Variants in BICD1 observed in about 807,000 individuals in gnomAD.
BICD1 encodes the protein BICD cargo adaptor 1.
A neutral mutation model predicts 92.5 loss-of-function variants in BICD1; 35 were observed. The ratio of observed to expected loss-of-function variants is 0.38; its 90% CI spans 0.29 to 0.50. The LOEUF (loss-of-function observed/expected upper bound fraction) is 0.50, where lower values mean the gene tolerates loss of function less well. Among genes scored for constraint, BICD1 ranks in the 20% least tolerant of loss-of-function variants. The pLI is 0.93. For missense variants in BICD1, 950 were observed against 1,189.8 expected (o/e 0.80, Z 2.97); for synonymous variants, 429 against 465.1 (o/e 0.92, Z 1.00).
rs1940111710 is a variant in BICD1, at chr12:32,379,529, C to T, written c.*1902C>T. ...CTAACCTTCTGCTCTTTTCTACCTGCATGGCCTTGCTGTTCCTAAACATTG... is the reference window on the plus strand; with the variant it reads ...CTAACCTTCTGCTCTTTTCTACCTGTATGGCCTTGCTGTTCCTAAACATTG... On this transcript the variant is annotated 3_prime_UTR_variant, in exon 10 of 10. Coordinates refer to ENST00000652176, the MANE Select transcript of BICD1 (RefSeq NM_001714.4). 6.6e-6 allele frequency: 1 copy of T among 152,218 alleles called. No homozygotes were observed. The highest frequency in any genetic ancestry group is 1.5e-5 in the Non-Finnish European group (1 of 68,050). The allele number at this position is 152,218 out of a possible 1,614,324, so 9.4% of individuals were successfully genotyped here.
intron 5 of BICD1, among the ~76,000 whole-genome samples, chr12:32,333,388 G>A (rs529148652): frequency 4.6e-5 from 7 of 152,044 alleles, no homozygotes; most frequent in East Asian, 1.9e-4. Flanking sequence ...AAACTACTTC[G>A]GAATCAAAAC....
intron 1 of BICD1, among the ~76,000 whole-genome samples, chr12:32,153,618 T>C (rs1943352912): frequency 6.6e-6 from 1 of 152,038 alleles, no homozygotes. Flanking sequence ...TAGCCAGGCA[T>C]GATGGCGTGC....
intron 9 of BICD1, among the ~76,000 whole-genome samples, chr12:32,372,380 T>C (rs923106853): frequency 5.3e-5 from 8 of 152,118 alleles, no homozygotes; most frequent in African/African-American, 1.9e-4. Context: ...CTCAGGAGGC[T>C]GAGGCAGGAG....
chr12:32,189,823 C>T (rs1349062369), intron 1 of BICD1, among the ~76,000 whole-genome samples: 4 of 151,700 alleles, frequency 2.6e-5, no homozygotes, highest in African/African-American at 4.8e-5. Flanking sequence ...CTCAGCCTCC[C>T]GAGTAGCTGG....
In BICD1 at chr12:32,223,606, T is replaced by C. The variant is rs367781043; in HGVS notation, c.426+7147T>C. The stretch of plus-strand genomic sequence containing the variant: ...GATCTTCTATCCAGACCTTTCTTCA[T>C]GTCAGAAATGAGACTGTTTCGCTTT... On this transcript the variant is annotated intron_variant, in intron 2 of 9. Transcript: ENST00000652176. Among the ~76,000 whole-genome samples the C allele has an allele frequency of 8.5e-5, 13 of 152,172 alleles. No individual in the cohort carries two copies. The South Asian group carries it at 1.9e-3, about 22-fold the overall frequency.
chr12:32,252,965 G>A (rs562531775), intron 2 of BICD1, among the ~76,000 whole-genome samples: 23 of 152,102 alleles, frequency 1.5e-4, no homozygotes, highest in Admixed American at 9.8e-4. Context: ...TCTGCCTCCC[G>A]GGTTCATATG....
At chr12:32,173,388 T>A (rs1307718079) in intron 1 of BICD1, among the ~76,000 whole-genome samples, 2 of 152,118 alleles carry the variant, frequency 1.3e-5, no homozygotes, top group Admixed American at 6.6e-5. Context: ...CTTGTCCGAC[T>A]CCTAGAAACT....
intron 2 of BICD1, among the ~76,000 whole-genome samples, chr12:32,251,334 A>C (rs533444273): frequency 1.3e-5 from 2 of 152,328 alleles, no homozygotes; most frequent in African/African-American, 4.8e-5. Flanking sequence ...TAAATACTTA[A>C]ATTAGTTTGC....
intron 2 of BICD1, among the ~76,000 whole-genome samples, chr12:32,258,072 G>T (rs529550124): frequency 1.3e-5 from 2 of 152,332 alleles, no homozygotes; most frequent in East Asian, 3.9e-4. Context: ...TTGCAGCAGA[G>T]TATGCTTGTT....
chr12:32,343,142 A>G (rs1302339114), intron 8 of BICD1, among the ~76,000 whole-genome samples: 1 of 152,152 alleles, frequency 6.6e-6, no homozygotes, highest in Non-Finnish European at 1.5e-5. Context: ...AGTTTCAGTT[A>G]CCAGCTGATC....
At position 32,178,057 on chromosome 12, in the gene BICD1, C is replaced by T. The variant is rs541618132; in HGVS notation, c.214-38190C>T. Among the ~76,000 whole-genome samples the T allele has an allele frequency of 3.2e-4, 49 of 151,448 alleles. 1 individual carries two copies. In the South Asian group the frequency reaches 9.1e-3, roughly 28 times the overall value. On this transcript the variant is annotated intron_variant, in intron 1 of 9. Coordinates refer to ENST00000652176, the MANE Select transcript of BICD1 (RefSeq NM_001714.4). ...TTTAAAATCTTATGGGGGAAAAAAGCAGGAGTTATTTCTAGAAGTATGAAT... is the reference window on the plus strand; with the variant it reads ...TTTAAAATCTTATGGGGGAAAAAAGTAGGAGTTATTTCTAGAAGTATGAAT...
chr12:32,200,882 A>C (rs1434784993), intron 1 of BICD1, among the ~76,000 whole-genome samples: 1 of 152,232 alleles, frequency 6.6e-6, no homozygotes, highest in African/African-American at 2.4e-5. Context: ...TAAGAATATA[A>C]GTGTCCAAAT....
At chr12:32,354,086 C>A (rs896821341) in intron 8 of BICD1, 3 of 152,144 alleles carry the variant, frequency 2.0e-5, no homozygotes, top group African/African-American at 7.2e-5. Context: ...GACTGTACTG[C>A]AGGGCGTTTT....
intron 1 of BICD1, among the ~76,000 whole-genome samples, chr12:32,176,991 A>G (rs1318863929): frequency 4.0e-5 from 6 of 151,268 alleles, no homozygotes; most frequent in Non-Finnish European, 8.8e-5. Flanking sequence ...TTTATCTAGT[A>G]TTAAGTCACT....
At chr12:32,236,920 G>T (rs1213536812) in intron 2 of BICD1, among the ~76,000 whole-genome samples, 3 of 143,254 alleles carry the variant, frequency 2.1e-5, no homozygotes, top group African/African-American at 8.0e-5. Flanking sequence ...TGTTGCCCAG[G>T]CTGGAGTGCA....
At chr12:32,306,161 G>A (rs199927834) in intron 4 of BICD1, 39 bp downstream of exon 4, 21 of 1,508,848 alleles carry the variant, frequency 1.4e-5, no homozygotes, top group African/African-American at 4.2e-5. Context: ...TGAATTTCTT[G>A]TAGATTGCAG....
At chr12:32,274,514 A>C (rs1947227267) in intron 2 of BICD1, among the ~76,000 whole-genome samples, 1 of 152,220 alleles carries the variant, frequency 6.6e-6, no homozygotes, top group Non-Finnish European at 1.5e-5. Context: ...TCAGTTCTGA[A>C]GAATTTGTAG....
intron 2 of BICD1, among the ~76,000 whole-genome samples, chr12:32,219,465 A>G (rs1358675391): frequency 6.6e-6 from 1 of 152,150 alleles, no homozygotes; most frequent in Non-Finnish European, 1.5e-5. Context: ...ATATTTGTAA[A>G]ATTTATGTTA....
At chr12:32,375,269 G>A (rs890325540) in intron 9 of BICD1, among the ~76,000 whole-genome samples, 1 of 151,884 alleles carries the variant, frequency 6.6e-6, no homozygotes, top group African/African-American at 2.4e-5. Context: ...TGGCTCGTGT[G>A]TGTAATCTCA....
Sources: allele counts gnomAD v4.1 joint callset (sites outside exome capture counted in the v4.1 genomes callset), GRCh38; gene constraint gnomAD v4.1.1; transcripts MANE v1.5; gene names NCBI Gene and HGNC (gene_info 2026-07-23, HGNC 2026-07-21).